The following TIMP3 variants were observed in gnomAD, a reference collection of about 807,000 sequenced individuals.
TIMP3 encodes TIMP metallopeptidase inhibitor 3.
In TIMP3, 11 loss-of-function variants were observed where a neutral mutation model predicts 30.0. The observed-to-expected ratio is 0.37, with a 90% confidence interval of 0.23 to 0.61. TIMP3 has a LOEUF of 0.61. Ranked by LOEUF, TIMP3 falls within the 20% of genes least tolerant of loss-of-function variation. TIMP3 has a pLI of 0.70. For missense variants in TIMP3, 181 were observed against 276.8 expected (o/e 0.65, Z 2.45); for synonymous variants, 112 against 111.3 (o/e 1.01, Z -0.04).
At chr22:32,808,475 C>T (rs936696926) in intron 1 of TIMP3, among the ~76,000 whole-genome samples, 3 of 152,136 alleles carry the variant, frequency 2.0e-5, no homozygotes, top group African/African-American at 7.2e-5. Flanking sequence ...AGCTAGAAGG[C>T]CTGGTTTAGG....
rs1372308928 is a variant in TIMP3 at position 32,862,525 on chromosome 22, A to C, written c.*3148A>C. ...TCCATGCCCCAGACCTCTGTCTTGC[A>C]TGTGACAATTGACAATCTGGACTAC... On this transcript the variant is annotated 3_prime_UTR_variant, in exon 5 of 5. Transcript: ENST00000266085. The C allele has an allele frequency of 6.6e-6, 1 of 152,218 alleles. No individual in the cohort carries two copies. The highest frequency in any genetic ancestry group is 2.4e-5 in the African/African-American group (1 of 41,456). 9.4% of individuals were successfully genotyped at this position (152,218 alleles called of 1,614,324 possible).
Position 32,859,459 on chromosome 22 carries a change from T to G in TIMP3, c.*82T>G. 1 of 1,482,918 alleles carries G rather than the reference T, an allele frequency of 6.7e-7. No homozygotes were observed. Among genetic ancestry groups the G allele is most frequent in the Non-Finnish European group, 9.1e-7 (1 of 1,102,336 alleles). 91.9% of individuals were successfully genotyped at this position (1,482,918 alleles called of 1,614,324 possible). Reference sequence around the variant, plus strand: ...ACTAACTCTTCCCAGATGATGACAATGAAATTAGTGCCTGTTTTCTTGCAA... The same window carrying G: ...ACTAACTCTTCCCAGATGATGACAAGGAAATTAGTGCCTGTTTTCTTGCAA... On this transcript the variant is annotated 3_prime_UTR_variant, in exon 5 of 5. Transcript: ENST00000266085.
In TIMP3 at chr22:32,831,790, A is replaced by C. The variant is rs139147858; in HGVS notation, c.122-17662A>C. ...GTGAAGTTATCCCAGGTTTATTTAC[A>C]CTGTAACTAATTTACTCTTGGCTGG... On this transcript the variant is annotated intron_variant, in intron 1 of 4. Coordinates refer to ENST00000266085, the MANE Select transcript of TIMP3 (RefSeq NM_000362.5). Among the ~76,000 whole-genome samples, 5 of 152,144 alleles carry C rather than the reference A, an allele frequency of 3.3e-5. 1 individual carries two copies. The South Asian group carries it at 8.3e-4, about 25-fold the overall frequency.
intron 1 of TIMP3, among the ~76,000 whole-genome samples, chr22:32,805,818 C>G (rs1478985791): frequency 1.3e-5 from 2 of 151,942 alleles, no homozygotes; most frequent in Admixed American, 6.6e-5. Context: ...CTAAGGTGAC[C>G]AGGAGATGGA....
At chr22:32,804,001 T>A (rs2046658908) in intron 1 of TIMP3, among the ~76,000 whole-genome samples, 2 of 152,208 alleles carry the variant, frequency 1.3e-5, no homozygotes, top group Admixed American at 1.3e-4. Context: ...TTAGGTTTCC[T>A]GCGGTGGGTC....
At chr22:32,834,904 C>A (rs1380853067) in intron 1 of TIMP3, among the ~76,000 whole-genome samples, 1 of 152,168 alleles carries the variant, frequency 6.6e-6, no homozygotes, top group Admixed American at 6.5e-5. Context: ...TATCTGTCAC[C>A]CAGGGAACTG....
chr22:32,803,012 G>A (rs1051672330), intron 1 of TIMP3, among the ~76,000 whole-genome samples: 4 of 152,152 alleles, frequency 2.6e-5, no homozygotes, highest in Non-Finnish European at 5.9e-5. Context: ...GGAGGGCCCC[G>A]AGAGCATCCT....
intron 1 of TIMP3, among the ~76,000 whole-genome samples, chr22:32,841,969 C>T (rs577871250): frequency 6.6e-6 from 1 of 152,108 alleles, no homozygotes. Flanking sequence ...AGCAGGACCA[C>T]GAGCCTGCAC....
At chr22:32,813,759 C>T (rs1200046623) in intron 1 of TIMP3, among the ~76,000 whole-genome samples, 1 of 152,032 alleles carries the variant, frequency 6.6e-6, no homozygotes, top group Non-Finnish European at 1.5e-5. Context: ...AAACCTTGGC[C>T]TCGTTCATGG....
intron 1 of TIMP3, among the ~76,000 whole-genome samples, chr22:32,836,977 C>T (rs916593476): frequency 6.6e-6 from 1 of 152,212 alleles, no homozygotes; most frequent in Non-Finnish European, 1.5e-5. Context: ...GCAAAGGCTG[C>T]ATCTGCGGGT....
chr22:32,802,373 G>A (rs1329094983), intron 1 of TIMP3, among the ~76,000 whole-genome samples: 1 of 152,132 alleles, frequency 6.6e-6, no homozygotes, highest in African/African-American at 2.4e-5. Flanking sequence ...AACTTAGGTC[G>A]TGAGGTTCCT....
intron 1 of TIMP3, among the ~76,000 whole-genome samples, chr22:32,824,211 G>A (rs2047336887): frequency 1.3e-5 from 2 of 150,880 alleles, no homozygotes; most frequent in Non-Finnish European, 2.9e-5. Context: ...TTGGGAGGTG[G>A]AGGTTGCAGT....
chr22:32,849,528 G>A lies in TIMP3; in HGVS notation c.198G>A (p.Gln66=), dbSNP rs2048160421. ...PFGTLVYTIK[Q]MKMYRGFTKM... ...GCACGCTGGTCTACACCATCAAGCAGATGAAGGTAGGTAATGTCATCACCC... is the reference window on the plus strand; with the variant it reads ...GCACGCTGGTCTACACCATCAAGCAAATGAAGGTAGGTAATGTCATCACCC... Residue 66 remains glutamine (Q), a synonymous_variant, in exon 2 of 5, where the codon CAG becomes CAA. Transcript: ENST00000266085. 6.2e-7 allele frequency: 1 copy of A among 1,613,066 alleles called. No individual in the cohort carries two copies. Among genetic ancestry groups the A allele is most frequent in the Admixed American group, 1.7e-5 (1 of 59,938 alleles).
chr22:32,825,665 A>G (rs1237735210), intron 1 of TIMP3, among the ~76,000 whole-genome samples: 1 of 80,176 alleles, frequency 1.2e-5, no homozygotes, highest in African/African-American at 8.3e-5. Flanking sequence ...CTCAAAAAAA[A>G]AAAAAAAAAA....
At chr22:32,824,413 A>G (rs1290257879) in intron 1 of TIMP3, among the ~76,000 whole-genome samples, 1 of 151,524 alleles carries the variant, frequency 6.6e-6, no homozygotes, top group African/African-American at 2.4e-5. Flanking sequence ...GCTTTTAGGG[A>G]GTGAGACAAT....
chr22:32,818,823 G>C lies in TIMP3; in HGVS notation c.121+16701G>C, dbSNP rs183800909. ...GCAAGAGATTCGCAGGTAGGGCTCA[G>C]AGACCAGGAGGAATCCAGTCTGGGT... On this transcript the variant is annotated intron_variant, in intron 1 of 4. Transcript: ENST00000266085. 1.8e-4 allele frequency among the ~76,000 whole-genome samples: 28 copies of C among 152,340 alleles called. No individual in the cohort carries two copies. In the East Asian group the frequency reaches 5.2e-3, roughly 28 times the overall value.
intron 1 of TIMP3, among the ~76,000 whole-genome samples, chr22:32,840,175 G>T (rs929110696): frequency 2.0e-5 from 3 of 152,188 alleles, no homozygotes; most frequent in African/African-American, 7.2e-5. Context: ...CAGCTTTCCA[G>T]ATTTTCTGAG....
At chr22:32,804,713 G>T (rs1026862118) in intron 1 of TIMP3, among the ~76,000 whole-genome samples, 1 of 152,196 alleles carries the variant, frequency 6.6e-6, no homozygotes, top group Non-Finnish European at 1.5e-5. Flanking sequence ...GGAGTTAAAA[G>T]GTGTTTCTAT....
chr22:32,839,462 T>G (rs942268673), intron 1 of TIMP3, among the ~76,000 whole-genome samples: 5 of 152,108 alleles, frequency 3.3e-5, no homozygotes, highest in African/African-American at 1.2e-4. Flanking sequence ...CATTGGACCC[T>G]TAGAAACCCA....
Sources: allele counts gnomAD v4.1 joint callset (sites outside exome capture counted in the v4.1 genomes callset), GRCh38; gene constraint gnomAD v4.1.1; transcripts MANE v1.5; gene names NCBI Gene and HGNC (gene_info 2026-07-23, HGNC 2026-07-21).